The following MYRFL variants were observed in gnomAD, a reference collection of about 807,000 sequenced individuals.
MYRFL encodes the protein myelin regulatory factor like.
A neutral mutation model predicts 109.4 loss-of-function variants in MYRFL; 88 were observed. The ratio of observed to expected loss-of-function variants is 0.80; its 90% CI spans 0.68 to 0.96. The LOEUF (loss-of-function observed/expected upper bound fraction) is 0.96, where lower values mean the gene tolerates loss of function less well. Among genes scored for constraint, MYRFL ranks in the 40% least tolerant of loss-of-function variants. The probability of loss-of-function intolerance (pLI) is 0.00; values close to 1 mark genes in which losing one functional copy is unlikely to be tolerated. For missense variants in MYRFL, 957 were observed against 954.9 expected, an observed-to-expected ratio of 1.00 and a Z score of -0.03; for synonymous variants, 324 against 320.9, an observed-to-expected ratio of 1.01 and a Z score of -0.10.
chr12:69,878,140 G>T (rs56357906), intron 2 of MYRFL, among the ~76,000 whole-genome samples: 22,297 of 151,204 alleles, frequency 0.15, 2,140 homozygotes, highest in Non-Finnish European at 0.22. Flanking sequence ...CTACTTGGGA[G>T]GCTGAGTCAG....
chr12:69,923,402 A>G (rs1180960485), intron 13 of MYRFL, among the ~76,000 whole-genome samples: 1 of 152,210 alleles, frequency 6.6e-6, no homozygotes, highest in Non-Finnish European at 1.5e-5. Flanking sequence ...TTTTTAGTTA[A>G]TGTAGCTAGA....
chr12:69,857,644 T>C (rs532461579), intron 2 of MYRFL, among the ~76,000 whole-genome samples: 1 of 150,620 alleles, frequency 6.6e-6, no homozygotes, highest in East Asian at 1.9e-4. Flanking sequence ...AACATCATGG[T>C]TTTTTTTCAA....
At chr12:69,909,731 C>A (rs1824629575) in intron 11 of MYRFL, among the ~76,000 whole-genome samples, 1 of 152,118 alleles carries the variant, frequency 6.6e-6, no homozygotes, top group Non-Finnish European at 1.5e-5. Flanking sequence ...GCAGTGATTG[C>A]ACGTAGAGGA....
intron 1 of MYRFL, among the ~76,000 whole-genome samples, chr12:69,854,462 C>A (rs1299301919): frequency 1.3e-5 from 2 of 152,006 alleles, no homozygotes; most frequent in Non-Finnish European, 2.9e-5. Context: ...CGGCTCACTG[C>A]AACCTTTGCC....
chr12:69,885,538 A>T (rs1429711102), intron 5 of MYRFL, among the ~76,000 whole-genome samples: 1 of 152,206 alleles, frequency 6.6e-6, no homozygotes, highest in Non-Finnish European at 1.5e-5. Flanking sequence ...ACCTGGTCTC[A>T]CAAACACCCA....
At chr12:69,886,744 C>A (rs1886477785) in intron 5 of MYRFL, 76 bp from the exon 6 acceptor site, 1 of 1,498,988 alleles carries the variant, frequency 6.7e-7, no homozygotes, top group South Asian at 1.3e-5. Context: ...GCCCACTCAT[C>A]AGCTTCATGC....
At chr12:69,853,594 G>T (rs1450368680) in intron 1 of MYRFL, among the ~76,000 whole-genome samples, 1 of 149,984 alleles carries the variant, frequency 6.7e-6, no homozygotes, top group Non-Finnish European at 1.5e-5. Context: ...TCCCAGACGG[G>T]ATGGCGGCTG....
chr12:69,846,629 GC>G (rs1368950296), intron 1 of MYRFL, among the ~76,000 whole-genome samples: 2 of 152,080 alleles, frequency 1.3e-5, no homozygotes, highest in African/African-American at 2.4e-5. Flanking sequence ...CCAAGTCTTT[GC>G]TATTGCGAAT....
At chr12:69,940,348 GA>G (rs1955604410) in intron 19 of MYRFL, among the ~76,000 whole-genome samples, 2 of 150,960 alleles carry the variant, frequency 1.3e-5, no homozygotes, top group Non-Finnish European at 3.0e-5. Flanking sequence ...ACTAACAGCG[GA>G]TCTCTCGGCA....
intron 11 of MYRFL, among the ~76,000 whole-genome samples, chr12:69,906,660 GA>G (rs1166072268): frequency 1.3e-5 from 2 of 152,224 alleles, no homozygotes; most frequent in Non-Finnish European, 2.9e-5. Context: ...AAGTAGACAT[GA>G]AAAAAGCTCA....
At chr12:69,833,183 G>A (rs867979532) in intron 1 of MYRFL, among the ~76,000 whole-genome samples, 25 of 152,144 alleles carry the variant, frequency 1.6e-4, no homozygotes, top group East Asian at 1.9e-4. Context: ...ACCAAGAAGA[G>A]TACAGATAGA....
At chr12:69,870,395 C>T (rs1382368118) in intron 2 of MYRFL, among the ~76,000 whole-genome samples, 1 of 152,060 alleles carries the variant, frequency 6.6e-6, no homozygotes, top group Admixed American at 6.6e-5. Context: ...GTTGGCCGCT[C>T]AGGGTATGAC....
chr12:69,958,212 C>A (rs551165953), intron 23 of MYRFL, 37 bp from the exon 24 acceptor site: 3 of 1,471,226 alleles, frequency 2.0e-6, no homozygotes, highest in African/African-American at 2.8e-5. Context: ...CTGTCAAATG[C>A]GTGTACGAAA....
chr12:69,851,863 C>T (rs1018818703), intron 1 of MYRFL, among the ~76,000 whole-genome samples: 10 of 152,128 alleles, frequency 6.6e-5, no homozygotes, highest in African/African-American at 7.2e-5. Context: ...GGTTTCGCTA[C>T]GTTGCCCAGG....
chr12:69,944,660 T>A (rs945507366), intron 19 of MYRFL, among the ~76,000 whole-genome samples: 19 of 151,610 alleles, frequency 1.3e-4, no homozygotes, highest in Admixed American at 6.6e-5. Context: ...AATGTGCACA[T>A]GTACCCTAAA....
intron 1 of MYRFL, among the ~76,000 whole-genome samples, chr12:69,853,155 G>A (rs1260362769): frequency 3.9e-5 from 6 of 151,950 alleles, no homozygotes; most frequent in East Asian, 3.9e-4. Flanking sequence ...CTTCCCAGAC[G>A]GGGCGGCTAG....
intron 13 of MYRFL, among the ~76,000 whole-genome samples, chr12:69,924,420 A>G (rs897166989): frequency 3.9e-5 from 6 of 152,140 alleles, no homozygotes; most frequent in African/African-American, 1.4e-4. Context: ...ACTTTGCTCC[A>G]TAACAGTATA....
intron 2 of MYRFL, among the ~76,000 whole-genome samples, chr12:69,877,177 C>T (rs538405484): frequency 2.8e-4 from 42 of 152,036 alleles, no homozygotes; most frequent in Admixed American, 5.2e-4. Flanking sequence ...GCGGCTGCCA[C>T]CACGCCTGGC....
chr12:69,830,957 G>C (rs910440377), intron 1 of MYRFL, among the ~76,000 whole-genome samples: 2 of 152,080 alleles, frequency 1.3e-5, no homozygotes, highest in African/African-American at 4.8e-5. Flanking sequence ...GTTTCTGGAA[G>C]ACTCTACAAT....
Sources: allele counts gnomAD v4.1 joint callset (sites outside exome capture counted in the v4.1 genomes callset), GRCh38; gene constraint gnomAD v4.1.1; transcripts MANE v1.5; gene names NCBI Gene and HGNC (gene_info 2026-07-23, HGNC 2026-07-21).